Variants in DOCK8 observed in about 807,000 individuals in gnomAD.
The protein encoded by DOCK8 is dedicator of cytokinesis 8, also known as dedicator of cytokinesis protein 8.
DOCK8 carries 141 observed loss-of-function variants against 245.6 expected under a neutral mutation model. The observed-to-expected ratio is 0.57, with a 90% CI of 0.50 to 0.66. The LOEUF (loss-of-function observed/expected upper bound fraction) is 0.66, where lower values mean the gene tolerates loss of function less well. Among genes scored for constraint, DOCK8 ranks in the 30% least tolerant of loss-of-function variants. DOCK8 has a pLI of 0.00. For synonymous variants in DOCK8, 1,168 were observed against 970.2 expected, an observed-to-expected ratio of 1.20 and a Z score of -3.79; for missense variants, 2,965 against 2,603.4, an observed-to-expected ratio of 1.14 and a Z score of -3.02.
intron 20 of DOCK8, among the ~76,000 whole-genome samples, chr9:378,229 A>G (rs766818331): frequency 6.6e-6 from 1 of 152,216 alleles, no homozygotes; most frequent in Non-Finnish European, 1.5e-5. Context: ...ATCTGGGAGG[A>G]TGCAGGAGGT....
chr9:390,667 C>CT, intron 24 of DOCK8, 101 bp downstream of exon 24: 3 of 1,133,236 alleles, frequency 2.6e-6, no homozygotes, highest in Non-Finnish European at 4.0e-6. Flanking sequence ...CTGCTGAAAA[C>CT]CTGGGGTGGT....
intron 5 of DOCK8, among the ~76,000 whole-genome samples, chr9:307,089 G>T (rs1043673594): frequency 6.6e-6 from 1 of 152,144 alleles, no homozygotes; most frequent in African/African-American, 2.4e-5. Context: ...GCAAGAGGAA[G>T]GAGCCAGGCC....
At chr9:400,791 T>C (rs199879666) in intron 26 of DOCK8, among the ~76,000 whole-genome samples, 382 of 4,808 alleles carry the variant, frequency 0.079, no homozygotes, top group Non-Finnish European at 0.097. Flanking sequence ...ACCTCCACCA[T>C]CACCACCACC....
chr9:396,248 CT>C (rs1490276621), intron 24 of DOCK8, among the ~76,000 whole-genome samples: 19 of 152,136 alleles, frequency 1.2e-4, no homozygotes, highest in Admixed American at 1.1e-3. Flanking sequence ...CAGAAGATAA[CT>C]GCTGGAAACT....
chr9:318,699 G>A (rs2050455389), intron 7 of DOCK8, among the ~76,000 whole-genome samples: 1 of 152,196 alleles, frequency 6.6e-6, no homozygotes, highest in African/African-American at 2.4e-5. Flanking sequence ...TCTTGCCCTT[G>A]CAAACCAACC....
intron 26 of DOCK8, among the ~76,000 whole-genome samples, chr9:400,310 TCA>T (rs2054824605): frequency 7.2e-5 from 1 of 13,798 alleles, no homozygotes; most frequent in Non-Finnish European, 1.1e-4. Flanking sequence ...ATCTTCACCG[TCA>T]CCACCACCTC....
At position 334,317 on chromosome 9, in the gene DOCK8, A is replaced by C; in HGVS notation, c.1218A>C (p.Ile406=). 6.2e-7 allele frequency: 1 copy of C among 1,614,138 alleles called. No individual in the cohort carries two copies. The highest frequency in any genetic ancestry group is 1.3e-5 in the African/African-American group (1 of 75,032). Residue 406 remains isoleucine, a synonymous_variant, in exon 11 of 48, where the codon ATA becomes ATC. Transcript: ENST00000432829. The part of the protein sequence containing the change: ...KYRMPFAWAP[I]SLSSFFNVST... The stretch of plus-strand genomic sequence containing the variant: ...GGATGCCCTTTGCCTGGGCACCCAT[A>C]AGCTTATCAAGCTTCTTCAATGTCT...
rs368569959 is a variant in DOCK8, at chr9:400,974, C to A, written c.3234+1715C>A. Among the ~76,000 whole-genome samples, 255 of 74,766 alleles carry A rather than the reference C, an allele frequency of 3.4e-3. 96 individuals are homozygous for A. The African/African-American group carries it at 0.093, about 27-fold the overall frequency. The allele number at this position is 74,766 out of a possible 152,430, so 49.0% of individuals were successfully genotyped here. On this transcript the variant is annotated intron_variant, in intron 26 of 47. Coordinates refer to ENST00000432829, the MANE Select transcript of DOCK8 (RefSeq NM_203447.4). ...ACCACCACCACCACCACCTCCTCCA[C>A]CATCACCACCTCCTCCACCACCACC...
At chr9:398,297 C>T (rs552032602) in intron 25 of DOCK8, among the ~76,000 whole-genome samples, 2 of 152,194 alleles carry the variant, frequency 1.3e-5, no homozygotes, top group Non-Finnish European at 2.9e-5. Flanking sequence ...GAGGACCTCT[C>T]AGCGGCACGG....
chr9:440,825 A>G (rs2057072594), intron 40 of DOCK8, among the ~76,000 whole-genome samples: 2 of 152,088 alleles, frequency 1.3e-5, no homozygotes, highest in Admixed American at 6.5e-5. Context: ...TACAGCCTTG[A>G]CCTCCTGGGC....
rs78182396 is a variant in DOCK8 at position 439,103 on chromosome 9, G to A, written c.5080-142G>A. On this transcript the variant is annotated intron_variant, in intron 39 of 47. Transcript: ENST00000432829. The stretch of plus-strand genomic sequence containing the variant: ...AATGAATGGCAGACAGATACTCTCG[G>A]GGTAGAATTACAGACCTAGTTTAGT... 1.8e-3 allele frequency: 1,854 copies of A among 1,032,844 alleles called. 30 individuals are homozygous for A. The African/African-American group carries it at 0.025, about 14-fold the overall frequency. 64.0% of individuals were successfully genotyped at this position (1,032,844 alleles called of 1,614,324 possible). A position where few individuals can be genotyped will look rare whatever the true frequency, so the allele number is the denominator to read the frequency against.
At chr9:367,872 A>C (rs927492398) in intron 14 of DOCK8, 146 bp from the exon 15 acceptor site, 8 of 680,508 alleles carry the variant, frequency 1.2e-5, no homozygotes, top group Admixed American at 9.1e-5. Context: ...CAAGTAATTC[A>C]CTCCCCCCAA....
At chr9:453,197 T>C (rs1343798842) in intron 46 of DOCK8, among the ~76,000 whole-genome samples, 1 of 152,246 alleles carries the variant, frequency 6.6e-6, no homozygotes, top group African/African-American at 2.4e-5. Context: ...CACTGTGCCC[T>C]GCAGTGAATC....
At chr9:449,060 G>A (rs182071093) in intron 44 of DOCK8, among the ~76,000 whole-genome samples, 1 of 152,316 alleles carries the variant, frequency 6.6e-6, no homozygotes, top group East Asian at 1.9e-4. Context: ...TGTAAGTTGA[G>A]TAACATGAGG....
intron 21 of DOCK8, among the ~76,000 whole-genome samples, chr9:382,007 G>A (rs1440905069): frequency 1.3e-5 from 2 of 151,486 alleles, no homozygotes; most frequent in South Asian, 2.1e-4. Context: ...TTCCATAACC[G>A]CTTGTGAAAA....
chr9:329,696 A>G (rs1371177422), intron 9 of DOCK8, among the ~76,000 whole-genome samples: 1 of 152,222 alleles, frequency 6.6e-6, no homozygotes, highest in Non-Finnish European at 1.5e-5. Context: ...GAAGAAGCCA[A>G]CACTAGTTCT....
intron 1 of DOCK8, among the ~76,000 whole-genome samples, chr9:246,149 A>T (rs983480306): frequency 4.0e-5 from 6 of 151,896 alleles, no homozygotes; most frequent in African/African-American, 1.5e-4. Context: ...AGCCTGGGAG[A>T]TGGAGCTTGC....
chr9:276,708 T>C (rs564139892), intron 2 of DOCK8, among the ~76,000 whole-genome samples: 6 of 152,322 alleles, frequency 3.9e-5, no homozygotes, highest in Admixed American at 3.9e-4. Flanking sequence ...GTGAATAGAT[T>C]AACCAGAGAC....
chr9:238,761 A>G (rs1253147622), intron 1 of DOCK8, among the ~76,000 whole-genome samples: 1 of 152,234 alleles, frequency 6.6e-6, no homozygotes, highest in Non-Finnish European at 1.5e-5. Flanking sequence ...GACTCCTAAT[A>G]TTAAACATTG....
Sources: allele counts gnomAD v4.1 joint callset (sites outside exome capture counted in the v4.1 genomes callset), GRCh38; gene constraint gnomAD v4.1.1; transcripts MANE v1.5; gene names NCBI Gene and HGNC (gene_info 2026-07-23, HGNC 2026-07-21).